JAKMIP2: variants seen among roughly 807,000 people sequenced by gnomAD.
JAKMIP2 encodes the protein janus kinase and microtubule interacting protein 2, also known as janus kinase and microtubule-interacting protein 2.
In JAKMIP2, 25 loss-of-function variants were observed where a neutral mutation model predicts 115.0. The ratio of observed to expected loss-of-function variants is 0.22; its 90% CI spans 0.16 to 0.30. JAKMIP2 has a LOEUF of 0.30. Ranked by LOEUF, JAKMIP2 falls within the 10% of genes least tolerant of loss-of-function variation. The pLI is 1.00. For synonymous variants in JAKMIP2, 334 were observed against 343.6 expected (o/e 0.97, Z 0.31); for missense variants, 642 against 957.6 (o/e 0.67, Z 4.35).
intron 1 of JAKMIP2, among the ~76,000 whole-genome samples, chr5:147,674,966 G>A (rs1397658505): frequency 6.6e-6 from 1 of 152,170 alleles, no homozygotes; most frequent in Non-Finnish European, 1.5e-5. Context: ...TAAAAAGAAA[G>A]TGGCAACTTT....
chr5:147,759,398 T>C (rs1326904449), intron 1 of JAKMIP2, among the ~76,000 whole-genome samples: 3 of 152,108 alleles, frequency 2.0e-5, no homozygotes, highest in Non-Finnish European at 2.9e-5. Context: ...AGAAGAAATG[T>C]TTATGTGAAC....
chr5:147,669,101 G>A (rs914948024), intron 2 of JAKMIP2, among the ~76,000 whole-genome samples: 8 of 152,146 alleles, frequency 5.3e-5, no homozygotes, highest in Admixed American at 2.6e-4. Flanking sequence ...GAGCCAACCT[G>A]AGAGTATAAA....
intron 12 of JAKMIP2, among the ~76,000 whole-genome samples, chr5:147,633,096 C>A (rs943969878): frequency 5.9e-5 from 9 of 152,082 alleles, no homozygotes; most frequent in Non-Finnish European, 1.5e-5. Flanking sequence ...CTACTAGAAC[C>A]AAATTTAATG....
At chr5:147,614,445 A>G (rs1047035747) in intron 19 of JAKMIP2, among the ~76,000 whole-genome samples, 3 of 152,102 alleles carry the variant, frequency 2.0e-5, no homozygotes, top group African/African-American at 7.2e-5. Context: ...CATCCACCCA[A>G]CAGAAAACCT....
chr5:147,625,927 T>G (rs538959206), intron 16 of JAKMIP2, among the ~76,000 whole-genome samples: 1 of 152,290 alleles, frequency 6.6e-6, no homozygotes, highest in East Asian at 1.9e-4. Context: ...AAGTACATAA[T>G]GTACTTATGG....
chr5:147,749,521 G>C (rs896792459), intron 1 of JAKMIP2, among the ~76,000 whole-genome samples: 1 of 152,108 alleles, frequency 6.6e-6, no homozygotes, highest in Admixed American at 6.5e-5. Context: ...AGTTCTCTTA[G>C]TGGTAGCTAC....
At chr5:147,628,862 T>C in intron 15 of JAKMIP2, 46 bp from the exon 16 acceptor site, 1 of 1,435,202 alleles carries the variant, frequency 7.0e-7, no homozygotes. Flanking sequence ...CTGACATTAT[T>C]TACCCCAAAG....
chr5:147,779,821 T>G (rs1198704346), intron 1 of JAKMIP2, among the ~76,000 whole-genome samples: 3 of 152,150 alleles, frequency 2.0e-5, no homozygotes, highest in Admixed American at 6.5e-5. Context: ...ATCTAGTACA[T>G]CCTAGACAAA....
At chr5:147,708,473 G>A (rs150990956) in intron 1 of JAKMIP2, among the ~76,000 whole-genome samples, 1,642 of 152,250 alleles carry the variant, frequency 0.011, 50 homozygotes, top group Admixed American at 0.054. Context: ...AGCTAGTCAC[G>A]TAGAAGGAGA....
At chr5:147,681,900 C>T (rs188548137) in intron 1 of JAKMIP2, among the ~76,000 whole-genome samples, 6 of 151,886 alleles carry the variant, frequency 4.0e-5, no homozygotes, top group Non-Finnish European at 8.8e-5. Context: ...AAAATTAGCC[C>T]GGCATAGTGG....
At chr5:147,594,559 C>G (rs1423487187) in intron 21 of JAKMIP2, 1 of 350,992 alleles carries the variant, frequency 2.8e-6, no homozygotes, top group Non-Finnish European at 6.1e-6. Context: ...GTCTTAAACT[C>G]CTGGGCTCAA....
chr5:147,782,636 G>T lies in JAKMIP2; in HGVS notation c.-329C>A. 1.4e-6 allele frequency: 1 copy of T among 701,760 alleles called. No homozygotes were observed. Among genetic ancestry groups the T allele is most frequent in the Non-Finnish European group, 2.6e-6 (1 of 390,458 alleles). The allele number at this position is 701,760 out of a possible 1,614,324, so 43.5% of individuals were successfully genotyped here. A position where few individuals can be genotyped will look rare whatever the true frequency, so the allele number is the denominator to read the frequency against. On this transcript the variant is annotated 5_prime_UTR_variant, in exon 1 of 22. Coordinates refer to ENST00000616793, the MANE Select transcript of JAKMIP2 (RefSeq NM_001270941.2). ...AGGAACCACCCTTCCAGCCCCACTA[G>T]AGTATCAGCAATAGAGGCGGCGGCG...
intron 1 of JAKMIP2, among the ~76,000 whole-genome samples, chr5:147,757,317 A>G (rs2127037613): frequency 6.6e-6 from 1 of 152,258 alleles, no homozygotes; most frequent in East Asian, 1.9e-4. Context: ...TGAAGTCACT[A>G]TCTTAGTTCT....
intron 1 of JAKMIP2, among the ~76,000 whole-genome samples, chr5:147,700,321 A>G (rs1835942): frequency 0.16 from 24,462 of 152,140 alleles, 2,266 homozygotes; most frequent in African/African-American, 0.24. Flanking sequence ...AAATAATTAT[A>G]ATTGAAAATT....
chr5:147,624,398 G>C (rs945214226), intron 16 of JAKMIP2, among the ~76,000 whole-genome samples: 2 of 152,150 alleles, frequency 1.3e-5, no homozygotes, highest in African/African-American at 2.4e-5. Context: ...GTTCCAAGTG[G>C]AAGGGACAAC....
At chr5:147,598,376 C>T (rs1019117634) in intron 21 of JAKMIP2, among the ~76,000 whole-genome samples, 10 of 152,124 alleles carry the variant, frequency 6.6e-5, no homozygotes, top group African/African-American at 2.4e-4. Context: ...GACTTCTCCA[C>T]CCCCATAACC....
intron 12 of JAKMIP2, among the ~76,000 whole-genome samples, chr5:147,634,176 A>G (rs1757499902): frequency 1.3e-5 from 2 of 152,190 alleles, no homozygotes; most frequent in Admixed American, 6.5e-5. Context: ...TTACATTTGA[A>G]GTTACCTATT....
chr5:147,612,065 G>A (rs866345980), intron 20 of JAKMIP2: 30 of 673,238 alleles, frequency 4.5e-5, no homozygotes, highest in Admixed American at 4.1e-4. Context: ...ACTAAGGAAA[G>A]AAAACACAGA....
chr5:147,745,173 G>A (rs887651722), intron 1 of JAKMIP2, among the ~76,000 whole-genome samples: 2 of 100,748 alleles, frequency 2.0e-5, no homozygotes, highest in African/African-American at 7.7e-5. Context: ...TCAACAAACC[G>A]ACCTTGGCGG....
Sources: gnomAD v4.1 joint callset for allele counts (sites outside exome capture counted in the v4.1 genomes callset) on GRCh38, gnomAD v4.1.1 for gene constraint, MANE v1.5 for transcripts, NCBI Gene and HGNC (gene_info 2026-07-23, HGNC 2026-07-21) for gene names.